The following PCDH1 variants were observed in gnomAD, a reference collection of about 807,000 sequenced individuals.
PCDH1 encodes protocadherin 1, also known as protocadherin-1.
PCDH1 carries 23 observed loss-of-function variants against 74.6 expected under a neutral mutation model. That is an observed-to-expected ratio of 0.31 (90% CI 0.22 to 0.44). The LOEUF is 0.44. PCDH1 is among the 20% of genes least tolerant of loss of function. The pLI is 1.00. For synonymous variants in PCDH1, 647 were observed against 686.1 expected, an observed-to-expected ratio of 0.94 and a Z score of 0.89; for missense variants, 1,214 against 1,641.4, an observed-to-expected ratio of 0.74 and a Z score of 4.50.
At chr5:141,871,232 T>C (rs1753090206) in intron 1 of PCDH1, among the ~76,000 whole-genome samples, 1 of 152,248 alleles carries the variant, frequency 6.6e-6, no homozygotes, top group Non-Finnish European at 1.5e-5. Flanking sequence ...GGGTACACTG[T>C]AGGGACTCAG....
In PCDH1 at chr5:141,865,100, C is replaced by T. The variant is rs543378456; in HGVS notation, c.1231G>A (p.Glu411Lys). 6.2e-7 allele frequency: 1 copy of T among 1,614,206 alleles called. No homozygotes were observed. Among genetic ancestry groups the T allele is most frequent in the African/African-American group, 1.3e-5 (1 of 75,042 alleles). Residue 411 changes from glutamate (E) to lysine (K), a missense_variant, in exon 3 of 5, where the codon GAG (glutamate) becomes AAG (lysine). This residue lies in a region of PCDH1 where 836 missense variants were observed against 1,182.2 expected (regional missense o/e 0.71). Transcript: ENST00000287008. The surrounding 1 kb of genome is among the most constrained non-coding windows in gnomAD (Gnocchi z 4.4). ...MANISEDVAE[E>K]TAVALVQVSD... is the part of the protein sequence containing the mutation. ...ACCTGCACCAGGGCCACAGCTGTCT[C>T]CTCTGCCACATCCTCTGAGATGTTA...
intron 1 of PCDH1, among the ~76,000 whole-genome samples, chr5:141,872,729 GAGT>G (rs1359409197): frequency 3.9e-5 from 6 of 152,222 alleles, no homozygotes; most frequent in African/African-American, 1.4e-4. Context: ...TCACCCTGAG[GAGT>G]TGTCTTACCT....
intron 3 of PCDH1, 28 bp from the exon 4 acceptor site, chr5:141,857,499 A>T: frequency 6.3e-7 from 1 of 1,598,360 alleles, no homozygotes; most frequent in Non-Finnish European, 8.5e-7. Flanking sequence ...GTCACTACTG[A>T]CCAGCCAGCT....
At position 141,864,393 on chromosome 5, in the gene PCDH1, C is replaced by T; in HGVS notation, c.1938G>A (p.Gln646=). Residue 646 remains glutamine (Q), a synonymous_variant, in exon 3 of 5, where the codon CAG becomes CAA. Transcript: ENST00000287008. This position sits in a 1 kb window ranked among gnomAD's most constrained non-coding sequence, Gnocchi z 5.9. ...VIDGDKGENA[Q]VQLSVEQDNG... ...TGTCCTGCTCCACTGAGAGCTGCAC[C>T]TGGGCATTCTCCCCCTTGTCTCCAT... is the stretch of plus-strand genomic sequence containing the variant. 6.2e-7 allele frequency: 1 copy of T among 1,614,084 alleles called. No individual in the cohort carries two copies. The highest frequency in any genetic ancestry group is 8.5e-7 in the Non-Finnish European group (1 of 1,179,968).
intron 1 of PCDH1, among the ~76,000 whole-genome samples, chr5:141,873,706 C>A (rs1160216874): frequency 6.6e-6 from 1 of 151,518 alleles, no homozygotes; most frequent in Admixed American, 6.6e-5. Context: ...GATCCTCCTG[C>A]GTCAGCCTCC....
At position 141,865,832 on chromosome 5, in the gene PCDH1, C is replaced by T. The variant is rs907794192; in HGVS notation, c.904-405G>A. ...ACCCTCCTGAAGAGATGGAGAGGTG[C>T]GAGTAGTAGAGGCGGTGTGTGTGCC... On this transcript the variant is annotated intron_variant, in intron 2 of 4. Coordinates refer to ENST00000287008, the MANE Select transcript of PCDH1 (RefSeq NM_032420.5). This position sits in a 1 kb window ranked among gnomAD's most constrained non-coding sequence, Gnocchi z 4.4. 4.6e-5 allele frequency among the ~76,000 whole-genome samples: 7 copies of T among 152,188 alleles called. No individual in the cohort carries two copies. The highest frequency in any genetic ancestry group is 1.4e-4 in the African/African-American group (6 of 41,438).
In PCDH1 at chr5:141,863,575, G is replaced by C; in HGVS notation, c.2756C>G (p.Pro919Arg). ...GTCCTCCACTGGCTTCACGGGCTTT[G>C]GGGACTTGCTCTTCTTGCCTTTGCT... Reference protein sequence around the residue: ...NKSKGKKSKSPKPVKPVEDED... With the variant: ...NKSKGKKSKSRKPVKPVEDED... Residue 919 changes from proline to arginine, a missense_variant, in exon 3 of 5, where the codon CCA becomes CGA. Pro to Arg is a moderately radical substitution (Grantham distance 103). Around this residue, in one of 4 missense-constraint regions of PCDH1, gnomAD observed 836 missense variants for 1,182.2 expected, o/e 0.71. Transcript: ENST00000287008. The surrounding 1 kb of genome is among the most constrained non-coding windows in gnomAD (Gnocchi z 7.5). The C allele has an allele frequency of 6.2e-7, 1 of 1,614,148 alleles. No individual in the cohort carries two copies. The highest frequency in any genetic ancestry group is 8.5e-7 in the Non-Finnish European group (1 of 1,180,020).
intron 1 of PCDH1, among the ~76,000 whole-genome samples, chr5:141,876,821 G>C (rs1174563991): frequency 6.6e-6 from 1 of 152,200 alleles, no homozygotes; most frequent in Non-Finnish European, 1.5e-5. Context: ...TGGAGACCCA[G>C]GTGGCTCAGA....
At chr5:141,870,528 T>C (rs1282893266) in intron 1 of PCDH1, among the ~76,000 whole-genome samples, 1 of 152,136 alleles carries the variant, frequency 6.6e-6, no homozygotes, top group Non-Finnish European at 1.5e-5. Context: ...AGCCTTTCCC[T>C]GGCCACTCCC....
At position 141,855,654 on chromosome 5, in the gene PCDH1, AG is replaced by A. The variant is rs756959856; in HGVS notation, c.3320-1219del. Among the ~76,000 whole-genome samples the A allele has an allele frequency of 2.6e-5, 4 of 152,148 alleles. No homozygotes were observed. The East Asian group carries it at 5.8e-4, about 22-fold the overall frequency. On this transcript the variant is annotated intron_variant, in intron 4 of 4. Coordinates refer to ENST00000287008, the MANE Select transcript of PCDH1 (RefSeq NM_032420.5). ...TCCTGCAAGACCTTGCTTTAAAGCC[AG>A]GGGGAAGGGACGAGCTTCTGTGTGG...
At position 141,869,174 on chromosome 5, in the gene PCDH1, G is replaced by A. The variant is rs770651861; in HGVS notation, c.298C>T (p.Arg100Cys). 3.7e-6 allele frequency: 6 copies of A among 1,614,006 alleles called. No homozygotes were observed. The highest frequency in any genetic ancestry group is 1.1e-5 in the South Asian group (1 of 91,064). Residue 100 changes from arginine (R) to cysteine (C), a missense_variant, in exon 2 of 5, where the codon CGC becomes TGC. Coordinates refer to ENST00000287008, the MANE Select transcript of PCDH1 (RefSeq NM_032420.5). The surrounding 1 kb of genome is among the most constrained non-coding windows in gnomAD (Gnocchi z 4.9). ...ATGTCACCTGTCTTGCCATCCACGCGAAGGTACGGGGCACCCACCTCTAGC... is the reference window on the plus strand; with the variant it reads ...ATGTCACCTGTCTTGCCATCCACGCAAAGGTACGGGGCACCCACCTCTAGC... ...YKLEVGAPYL[R>C]VDGKTGDIFT...
intron 4 of PCDH1, among the ~76,000 whole-genome samples, chr5:141,856,838 C>T (rs1026682702): frequency 6.6e-6 from 1 of 152,176 alleles, no homozygotes; most frequent in Non-Finnish European, 1.5e-5. Flanking sequence ...AGAGGACCAC[C>T]ACCCACCTTC....
At chr5:141,877,945 C>T (rs1753281743) in intron 1 of PCDH1, among the ~76,000 whole-genome samples, 1 of 152,196 alleles carries the variant, frequency 6.6e-6, no homozygotes, top group African/African-American at 2.4e-5. Context: ...TTATCCCCGT[C>T]TCTCCGAGCG....
chr5:141,860,903 G>C (rs1752538888), intron 3 of PCDH1, among the ~76,000 whole-genome samples: 1 of 152,078 alleles, frequency 6.6e-6, no homozygotes, highest in African/African-American at 2.4e-5. Context: ...ATCGCCTGAG[G>C]TCAGGAGCTC....
At chr5:141,866,373 C>T (rs1410197416) in intron 2 of PCDH1, among the ~76,000 whole-genome samples, 1 of 152,228 alleles carries the variant, frequency 6.6e-6, no homozygotes, top group African/African-American at 2.4e-5. Flanking sequence ...AGCGGGCACA[C>T]CCTCCCACGC....
chr5:141,864,551 C>T lies in PCDH1; in HGVS notation c.1780G>A (p.Gly594Ser). The T allele has an allele frequency of 1.9e-6, 3 of 1,614,030 alleles. No homozygotes were observed. Among genetic ancestry groups the T allele is most frequent in the Non-Finnish European group, 2.5e-6 (3 of 1,180,018 alleles). The change falls in exon 3 of 5, where the codon GGC becomes AGC. Residue 594 changes from glycine to serine, a missense_variant. Gly to Ser is a moderately conservative substitution (Grantham distance 56, BLOSUM62 0). Around this residue, in one of 4 missense-constraint regions of PCDH1, gnomAD observed 836 missense variants for 1,182.2 expected, o/e 0.71. Coordinates refer to ENST00000287008, the MANE Select transcript of PCDH1 (RefSeq NM_032420.5). This position sits in a 1 kb window ranked among gnomAD's most constrained non-coding sequence, Gnocchi z 5.9. ...AADRGSPSLQGTATVLVNVLD... is the reference protein window; with the variant it reads ...AADRGSPSLQSTATVLVNVLD... Reference sequence around the variant, plus strand: ...ACATTGACAAGGACAGTGGCTGTGCCCTGGAGGCTAGGACTGCCCCGGTCA... The same window carrying T: ...ACATTGACAAGGACAGTGGCTGTGCTCTGGAGGCTAGGACTGCCCCGGTCA...
At chr5:141,862,738 C>T in intron 3 of PCDH1, 2 of 1,001,684 alleles carry the variant, frequency 2.0e-6, no homozygotes, top group Non-Finnish European at 2.4e-6. Context: ...GGTTAATGCA[C>T]AATACACACA....
chr5:141,876,710 C>G (rs1753245806), intron 1 of PCDH1, among the ~76,000 whole-genome samples: 1 of 152,132 alleles, frequency 6.6e-6, no homozygotes, highest in Non-Finnish European at 1.5e-5. Flanking sequence ...CCTGCCCGCG[C>G]ACACACTGGC....
chr5:141,869,250 A>G lies in PCDH1; in HGVS notation c.222T>C (p.Ile74=). ...VPEEQPPNTL[I]GSLAADYGFP... is the part of the protein sequence containing the mutation. ...AACCATAGTCGGCTGCGAGGCTCCC[A>G]ATGAGGGTGTTGGGTGGCTGTTCCT... The change falls in exon 2 of 5, where the codon ATT becomes ATC. Residue 74 remains isoleucine (I), a synonymous_variant. Transcript: ENST00000287008. The surrounding 1 kb of genome is among the most constrained non-coding windows in gnomAD (Gnocchi z 4.9). 6.2e-7 allele frequency: 1 copy of G among 1,612,810 alleles called. No individual in the cohort carries two copies. The highest frequency in any genetic ancestry group is 2.2e-5 in the East Asian group (1 of 44,804).
Sources: gnomAD v4.1 joint callset for allele counts (sites outside exome capture counted in the v4.1 genomes callset) on GRCh38, gnomAD v4.1.1 for gene constraint, gnomAD v4.1.1 regional missense constraint, Gnocchi (gnomAD v3.1) non-coding constraint, MANE v1.5 for transcripts, NCBI Gene and HGNC (gene_info 2026-07-23, HGNC 2026-07-21) for gene names.